HACD3: variants seen among roughly 807,000 people sequenced by gnomAD.
The protein encoded by HACD3 is 3-hydroxyacyl-CoA dehydratase 3.
Under a neutral mutation model 55.2 loss-of-function variants are expected in HACD3, and 30 were observed. That is an observed-to-expected ratio of 0.54 (90% CI 0.41 to 0.74). The LOEUF is 0.74. HACD3 is among the 30% of genes least tolerant of loss of function. The pLI is 0.00. For synonymous variants in HACD3, 141 were observed against 151.7 expected (o/e 0.93, Z 0.52); for missense variants, 363 against 440.1 (o/e 0.82, Z 1.57).
intron 1 of HACD3, among the ~76,000 whole-genome samples, chr15:65,532,117 C>T (rs997281448): frequency 6.6e-6 from 1 of 152,100 alleles, no homozygotes; most frequent in Non-Finnish European, 1.5e-5. Flanking sequence ...GGCCAGAATG[C>T]CTTTAAATAG....
chr15:65,533,558 T>C (rs1439430643), intron 1 of HACD3, among the ~76,000 whole-genome samples: 1 of 152,100 alleles, frequency 6.6e-6, no homozygotes. Context: ...GATTTCAGAG[T>C]AACCTTGTCT....
chr15:65,549,931 CCCCTAGGT>C (rs2072116125), intron 1 of HACD3, among the ~76,000 whole-genome samples: 1 of 152,182 alleles, frequency 6.6e-6, no homozygotes, highest in African/African-American at 2.4e-5. Flanking sequence ...ACTGGTAGGA[CCCCTAGGT>C]CCCTGGCAGA....
chr15:65,542,197 C>G (rs1195985380), intron 1 of HACD3, among the ~76,000 whole-genome samples: 1 of 138,476 alleles, frequency 7.2e-6, no homozygotes, highest in Non-Finnish European at 1.5e-5. Flanking sequence ...CCACTGCACT[C>G]CAGCCTGGCG....
intron 2 of HACD3, chr15:65,551,920 G>T: frequency 1.9e-6 from 1 of 533,276 alleles, no homozygotes; most frequent in Non-Finnish European, 3.2e-6. Flanking sequence ...TTTCCCCCAT[G>T]GAGAGGCAGT....
intron 5 of HACD3, among the ~76,000 whole-genome samples, chr15:65,560,420 G>A (rs1157644103): frequency 6.6e-6 from 1 of 152,160 alleles, no homozygotes; most frequent in Non-Finnish European, 1.5e-5. Flanking sequence ...TTAGGCTGCA[G>A]ATAAAATTAA....
chr15:65,548,739 A>AT (rs1381085916), intron 1 of HACD3, among the ~76,000 whole-genome samples: 2 of 151,542 alleles, frequency 1.3e-5, no homozygotes, highest in Admixed American at 6.6e-5. Context: ...CACTTGGCTA[A>AT]TTTTTTTATT....
chr15:65,541,478 A>G (rs74827089), intron 1 of HACD3, among the ~76,000 whole-genome samples: 39 of 152,296 alleles, frequency 2.6e-4, no homozygotes, highest in African/African-American at 9.4e-4. Context: ...TCGTAGGGAA[A>G]CATGTGGTAT....
rs1177660994 is a variant in HACD3, at chr15:65,576,383, G to T, written c.*4G>T. 1 of 1,594,830 alleles carries T rather than the reference G, an allele frequency of 6.3e-7. No homozygotes were observed. Among genetic ancestry groups the T allele is most frequent in the South Asian group, 1.1e-5 (1 of 88,428 alleles). On this transcript the variant is annotated 3_prime_UTR_variant, in exon 11 of 11. Transcript: ENST00000261875. ...AAAAAAGAAAAAGATCCACTAAAAA[G>T]AAAGATTTAGATGGCTTCTTGCCAG...
rs777850690 is a variant in HACD3, at chr15:65,572,259, C to T, written c.905C>T (p.Pro302Leu). 3 of 1,612,714 alleles carry T rather than the reference C, an allele frequency of 1.9e-6. No individual in the cohort carries two copies. The highest frequency in any genetic ancestry group is 2.7e-5 in the African/African-American group (2 of 74,864). ...GCTGTCTCAGTGATTCAGTCCATTCCAATATTCAATGAGACCGGACGATTC... is the reference window on the plus strand; with the variant it reads ...GCTGTCTCAGTGATTCAGTCCATTCTAATATTCAATGAGACCGGACGATTC... ...AEAVSVIQSI[P>L]IFNETGRFSF... The change falls in exon 10 of 11, where the codon CCA (proline) becomes CTA (leucine). Residue 302 changes from proline (P) to leucine (L), a missense_variant. Transcript: ENST00000261875.
At chr15:65,557,431 C>T (rs147142621) in intron 4 of HACD3, among the ~76,000 whole-genome samples, 2 of 151,056 alleles carry the variant, frequency 1.3e-5, no homozygotes, top group East Asian at 2.0e-4. Flanking sequence ...GCCGAGATCA[C>T]GCCACTGCAC....
intron 4 of HACD3, among the ~76,000 whole-genome samples, chr15:65,557,503 G>A (rs533197308): frequency 2.0e-5 from 3 of 151,690 alleles, no homozygotes; most frequent in South Asian, 2.1e-4. Context: ...TACTGTCAAC[G>A]TGACACATCA....
Position 65,556,885 on chromosome 15 carries a change from A to C in HACD3, c.351A>C (p.Glu117Asp). 1 of 1,612,666 alleles carries C rather than the reference A, an allele frequency of 6.2e-7. No individual in the cohort carries two copies. Among genetic ancestry groups the C allele is most frequent in the Non-Finnish European group, 8.5e-7 (1 of 1,179,300 alleles). ...GTTGGCTGGATGAATCTGATGCGGA[A>C]ATGGAGCTCAGAGCTAAGGTTAGTA... is the stretch of plus-strand genomic sequence containing the variant. ...FDRWLDESDA[E>D]MELRAKEEER... Residue 117 changes from glutamate (E) to aspartate (D), a missense_variant, in exon 4 of 11, where the codon GAA becomes GAC. Glu to Asp is a conservative substitution (Grantham distance 45). Coordinates refer to ENST00000261875, the MANE Select transcript of HACD3 (RefSeq NM_016395.4).
At chr15:65,545,994 T>C (rs2072073333) in intron 1 of HACD3, among the ~76,000 whole-genome samples, 1 of 152,240 alleles carries the variant, frequency 6.6e-6, no homozygotes, top group Admixed American at 6.5e-5. Context: ...CTCTCGGAAC[T>C]GAGCAGTCCT....
chr15:65,553,879 C>T lies in HACD3; in HGVS notation c.131-1008C>T, dbSNP rs1261262044. On this transcript the variant is annotated intron_variant, in intron 2 of 10. Coordinates refer to ENST00000261875, the MANE Select transcript of HACD3 (RefSeq NM_016395.4). ...GTGGTTCAGCAGCAGCTGCTGGGTC[C>T]AGCAGTCACTGGCATCTAGGCATGG... 3.9e-5 allele frequency among the ~76,000 whole-genome samples: 6 copies of T among 152,242 alleles called. No homozygotes were observed. In the East Asian group the frequency reaches 1.2e-3, roughly 29 times the overall value.
chr15:65,560,278 A>C (rs16948825), intron 5 of HACD3, among the ~76,000 whole-genome samples: 2,150 of 152,294 alleles, frequency 0.014, 63 homozygotes, highest in African/African-American at 0.049. Context: ...ATGTAGCAGC[A>C]AAATCTGAAC....
chr15:65,576,481 T>A lies in HACD3; in HGVS notation c.*102T>A. Reference sequence around the variant, plus strand: ...AAAAGTTTTTTTAATGTTAAATGATTAAATTCTCAGTGAGGCTATCTTCCT... The same window carrying A: ...AAAAGTTTTTTTAATGTTAAATGATAAAATTCTCAGTGAGGCTATCTTCCT... On this transcript the variant is annotated 3_prime_UTR_variant, in exon 11 of 11. Transcript: ENST00000261875. The A allele has an allele frequency of 1.6e-6, 2 of 1,235,582 alleles. No individual in the cohort carries two copies. Among genetic ancestry groups the A allele is most frequent in the Non-Finnish European group, 2.2e-6 (2 of 898,382 alleles). The allele number at this position is 1,235,582 out of a possible 1,614,324, so 76.5% of individuals were successfully genotyped here.
Position 65,576,512 on chromosome 15 carries a change from C to A in HACD3, c.*133C>A. 1 of 938,448 alleles carries A rather than the reference C, an allele frequency of 1.1e-6. No individual in the cohort carries two copies. Among genetic ancestry groups the A allele is most frequent in the South Asian group, 1.8e-5 (1 of 56,212 alleles). The allele number at this position is 938,448 out of a possible 1,614,324, so 58.1% of individuals were successfully genotyped here. A position where few individuals can be genotyped will look rare whatever the true frequency, so the allele number is the denominator to read the frequency against. The stretch of plus-strand genomic sequence containing the variant: ...CTCAGTGAGGCTATCTTCCTTTTCC[C>A]CAGTAACATTCCTGAATTTACTGTT... On this transcript the variant is annotated 3_prime_UTR_variant, in exon 11 of 11. Transcript: ENST00000261875.
At chr15:65,560,568 C>T (rs1167397223) in intron 5 of HACD3, among the ~76,000 whole-genome samples, 2 of 151,884 alleles carry the variant, frequency 1.3e-5, no homozygotes, top group Non-Finnish European at 2.9e-5. Flanking sequence ...GAGACTGAGG[C>T]GGGAGGATCT....
At chr15:65,576,176 C>A in intron 10 of HACD3, 127 bp from the exon 11 acceptor site, 1 of 1,381,510 alleles carries the variant, frequency 7.2e-7, no homozygotes, top group Non-Finnish European at 9.8e-7. Context: ...GTACTCCTTC[C>A]TGAGCCGCTG....
Sources: gnomAD v4.1 joint callset for allele counts (sites outside exome capture counted in the v4.1 genomes callset) on GRCh38, gnomAD v4.1.1 for gene constraint, MANE v1.5 for transcripts, NCBI Gene and HGNC (gene_info 2026-07-23, HGNC 2026-07-21) for gene names.